Variants in PPP1R16B observed in about 807,000 individuals in gnomAD.
The protein encoded by PPP1R16B is protein phosphatase 1 regulatory subunit 16B.
PPP1R16B carries 14 observed loss-of-function variants against 61.7 expected under a neutral mutation model. The observed-to-expected ratio is 0.23, with a 90% CI of 0.15 to 0.35. PPP1R16B has a LOEUF of 0.35. Among genes scored for constraint, PPP1R16B ranks in the 10% least tolerant of loss-of-function variants. PPP1R16B has a pLI of 1.00. For synonymous variants in PPP1R16B, 266 were observed against 305.3 expected, an observed-to-expected ratio of 0.87 and a Z score of 1.34; for missense variants, 547 against 752.5, an observed-to-expected ratio of 0.73 and a Z score of 3.19.
intron 4 of PPP1R16B, among the ~76,000 whole-genome samples, chr20:38,898,843 A>G (rs540007508): frequency 6.6e-6 from 1 of 151,760 alleles, no homozygotes; most frequent in Non-Finnish European, 1.5e-5. Context: ...AACAACAACA[A>G]CAATCATTGT....
At chr20:38,840,050 C>G (rs1425120325) in intron 2 of PPP1R16B, among the ~76,000 whole-genome samples, 1 of 152,168 alleles carries the variant, frequency 6.6e-6, no homozygotes, top group Non-Finnish European at 1.5e-5. Flanking sequence ...GTGGCAGGCT[C>G]GTGGGTTGGT....
chr20:38,867,346 A>C (rs751544938), intron 2 of PPP1R16B, among the ~76,000 whole-genome samples: 3 of 152,166 alleles, frequency 2.0e-5, no homozygotes, highest in African/African-American at 4.8e-5. Context: ...GGGACAGATG[A>C]GCTTCCTGTG....
At chr20:38,822,058 T>A (rs1357997412) in intron 1 of PPP1R16B, among the ~76,000 whole-genome samples, 1 of 148,318 alleles carries the variant, frequency 6.7e-6, no homozygotes, top group Non-Finnish European at 1.5e-5. Context: ...ATAATATATA[T>A]ATTTTTTTAA....
At chr20:38,818,956 T>A (rs1183627312) in intron 1 of PPP1R16B, among the ~76,000 whole-genome samples, 1 of 152,114 alleles carries the variant, frequency 6.6e-6, no homozygotes, top group East Asian at 1.9e-4. Flanking sequence ...TTTTTTAATG[T>A]TTTGAGATGA....
At chr20:38,901,963 C>T (rs1601304871) in intron 5 of PPP1R16B, among the ~76,000 whole-genome samples, 2 of 152,180 alleles carry the variant, frequency 1.3e-5, no homozygotes, top group African/African-American at 4.8e-5. Flanking sequence ...AAAGCTTAGT[C>T]AAAAGAAATG....
At chr20:38,882,404 A>G (rs919907240) in intron 2 of PPP1R16B, among the ~76,000 whole-genome samples, 2 of 152,050 alleles carry the variant, frequency 1.3e-5, no homozygotes, top group African/African-American at 4.8e-5. Context: ...TTTAAGAGAC[A>G]GCATCCTGCT....
At position 38,899,344 on chromosome 20, in the gene PPP1R16B, G is replaced by A. The variant is rs116649984; in HGVS notation, c.468-1237G>A. 3.1e-3 allele frequency among the ~76,000 whole-genome samples: 473 copies of A among 152,298 alleles called. 3 individuals carry two copies. The highest frequency in any genetic ancestry group is 0.011 in the African/African-American group (454 of 41,572). On this transcript the variant is annotated intron_variant, in intron 4 of 10. Coordinates refer to ENST00000299824, the MANE Select transcript of PPP1R16B (RefSeq NM_015568.4). Reference sequence around the variant, plus strand: ...TCAGTGATGGTGCTAAGAGGACAAGGAAAGTGGTGCCAGCCTGGGTCAGTG... The same window carrying A: ...TCAGTGATGGTGCTAAGAGGACAAGAAAAGTGGTGCCAGCCTGGGTCAGTG...
chr20:38,847,550 T>G (rs959533367), intron 2 of PPP1R16B, among the ~76,000 whole-genome samples: 8 of 152,186 alleles, frequency 5.3e-5, no homozygotes, highest in African/African-American at 1.7e-4. Flanking sequence ...AGAGATGGGG[T>G]TTCACCATGT....
chr20:38,857,600 G>A (rs1214968546), intron 2 of PPP1R16B, among the ~76,000 whole-genome samples: 1 of 152,180 alleles, frequency 6.6e-6, no homozygotes, highest in Non-Finnish European at 1.5e-5. Flanking sequence ...CGGTAGGTAG[G>A]TTTGGGGACA....
In PPP1R16B at chr20:38,839,444, A is replaced by G. The variant is rs534831992; in HGVS notation, c.250+3269A>G. On this transcript the variant is annotated intron_variant, in intron 2 of 10. Coordinates refer to ENST00000299824, the MANE Select transcript of PPP1R16B (RefSeq NM_015568.4). ...ACATTCTTCTTGTAAAAATCAATCA[A>G]CGTAGAAGTGTACAAAGTAAAAAGT... is the stretch of plus-strand genomic sequence containing the variant. 2.0e-5 allele frequency among the ~76,000 whole-genome samples: 3 copies of G among 152,308 alleles called. No individual in the cohort carries two copies. In the South Asian group the frequency reaches 6.2e-4, roughly 32 times the overall value.
At chr20:38,867,915 C>A (rs111786455) in intron 2 of PPP1R16B, among the ~76,000 whole-genome samples, 2 of 152,284 alleles carry the variant, frequency 1.3e-5, no homozygotes, top group African/African-American at 2.4e-5. Context: ...TCAGGTGATC[C>A]GCCCATCTTG....
chr20:38,836,204 G>A (rs971143128), intron 2 of PPP1R16B, 29 bp downstream of exon 2: 4 of 1,591,762 alleles, frequency 2.5e-6, no homozygotes, highest in South Asian at 1.1e-5. Context: ...TGGCGGCCAC[G>A]CAGCTGCCTT....
intron 2 of PPP1R16B, among the ~76,000 whole-genome samples, chr20:38,840,022 G>A (rs1207891639): frequency 1.3e-5 from 2 of 152,220 alleles, no homozygotes; most frequent in East Asian, 3.8e-4. Flanking sequence ...AGGGGAAGGG[G>A]CCAGAATACT....
At chr20:38,914,221 G>A (rs1198765296) in intron 10 of PPP1R16B, among the ~76,000 whole-genome samples, 4 of 151,998 alleles carry the variant, frequency 2.6e-5, no homozygotes, top group African/African-American at 4.8e-5. Flanking sequence ...ATTTAATTTC[G>A]GTTGATAAAT....
intron 1 of PPP1R16B, among the ~76,000 whole-genome samples, chr20:38,833,809 G>A (rs972218529): frequency 2.0e-5 from 3 of 152,178 alleles, no homozygotes; most frequent in African/African-American, 4.8e-5. Flanking sequence ...TCCAGTCTCC[G>A]AGCTGGGAGA....
intron 2 of PPP1R16B, among the ~76,000 whole-genome samples, chr20:38,850,308 C>T (rs2084960007): frequency 6.6e-6 from 1 of 152,110 alleles, no homozygotes; most frequent in Non-Finnish European, 1.5e-5. Flanking sequence ...CTGCTTCTCC[C>T]AAACACATGG....
At chr20:38,880,981 C>G (rs1255705128) in intron 2 of PPP1R16B, among the ~76,000 whole-genome samples, 1 of 152,190 alleles carries the variant, frequency 6.6e-6, no homozygotes, top group African/African-American at 2.4e-5. Flanking sequence ...TGTCCAACCC[C>G]TCCTCTTCTT....
chr20:38,852,477 T>A (rs958768847), intron 2 of PPP1R16B, among the ~76,000 whole-genome samples: 1 of 152,136 alleles, frequency 6.6e-6, no homozygotes, highest in Non-Finnish European at 1.5e-5. Context: ...CCATGGTCGA[T>A]CACCAAGGTG....
At chr20:38,812,614 A>G (rs2084708483) in intron 1 of PPP1R16B, among the ~76,000 whole-genome samples, 1 of 152,220 alleles carries the variant, frequency 6.6e-6, no homozygotes, top group Non-Finnish European at 1.5e-5. Flanking sequence ...TATAGAGGCC[A>G]GAGGTGTCTC....
Sources: allele counts gnomAD v4.1 joint callset (sites outside exome capture counted in the v4.1 genomes callset), GRCh38; gene constraint gnomAD v4.1.1; transcripts MANE v1.5; gene names NCBI Gene and HGNC (gene_info 2026-07-23, HGNC 2026-07-21).